DCTN4: variants seen among roughly 807,000 people sequenced by gnomAD.
The protein encoded by DCTN4 is dynactin subunit 4.
A neutral mutation model predicts 62.7 loss-of-function variants in DCTN4; 23 were observed. The ratio of observed to expected loss-of-function variants is 0.37; its 90% CI spans 0.26 to 0.52. The LOEUF is 0.52. Among genes scored for constraint, DCTN4 ranks in the 20% least tolerant of loss-of-function variants. The pLI, the probability that DCTN4 is intolerant of heterozygous loss-of-function variation, is 0.92. For missense variants in DCTN4, 514 were observed against 580.4 expected, an observed-to-expected ratio of 0.89 and a Z score of 1.18; for synonymous variants, 199 against 202.1, an observed-to-expected ratio of 0.98 and a Z score of 0.13.
chr5:150,729,061 T>C (rs912975792), intron 8 of DCTN4, among the ~76,000 whole-genome samples: 4 of 132,380 alleles, frequency 3.0e-5, no homozygotes, highest in Non-Finnish European at 4.8e-5. Context: ...TTTTTTTTTT[T>C]TTTTTTTTTT....
chr5:150,745,605 T>C (rs926806653), intron 3 of DCTN4, among the ~76,000 whole-genome samples: 8 of 152,170 alleles, frequency 5.3e-5, no homozygotes, highest in Non-Finnish European at 8.8e-5. Flanking sequence ...CAGACCACAG[T>C]GCAATCAAAC....
intron 1 of DCTN4, chr5:150,757,864 T>C (rs943117482): frequency 1.3e-5 from 2 of 155,956 alleles, no homozygotes; most frequent in African/African-American, 4.8e-5. Flanking sequence ...GTTAGGCTGT[T>C]TAGATTCAAA....
intron 11 of DCTN4, 103 bp downstream of exon 11, chr5:150,718,173 A>G (rs994249103): frequency 1.5e-6 from 1 of 685,054 alleles, no homozygotes; most frequent in African/African-American, 1.9e-5. Context: ...GAACTTGCTG[A>G]CTAGATGTGG....
At position 150,753,534 on chromosome 5, in the gene DCTN4, T is replaced by C. The variant is rs774201511; in HGVS notation, c.330A>G (p.Ala110=). The C allele has an allele frequency of 2.4e-5, 38 of 1,614,102 alleles. No homozygotes were observed. Among genetic ancestry groups the C allele is most frequent in the Middle Eastern group, 3.3e-4 (2 of 6,084 alleles). The change falls in exon 3 of 13, where the codon GCA becomes GCG. Residue 110 remains alanine, a synonymous_variant. Transcript: ENST00000447998. ...TAGACGTCCAGCGACAAAATCCACA[T>C]GCCAGGTAATAGGCTTTCTTCATGG... ...KTTMKKAYYL[A]CGFCRWTSRD...
In DCTN4 at chr5:150,758,868, C is replaced by T. The variant is rs772360782; in HGVS notation, c.126G>A (p.Val42=). Residue 42 remains valine (V), a synonymous_variant, in exon 1 of 13, where the codon GTG becomes GTA. Transcript: ENST00000447998. Reference sequence around the variant, plus strand: ...AGGGCGACTCTGTTACCTCGTGAGACACACATTCCAGCGACCGCAGTTCGC... The same window carrying T: ...AGGGCGACTCTGTTACCTCGTGAGATACACATTCCAGCGACCGCAGTTCGC... ...YCSELRSLEC[V]SHEVDSHYCP... 3.1e-6 allele frequency: 5 copies of T among 1,613,984 alleles called. No individual in the cohort carries two copies. The highest frequency in any genetic ancestry group is 4.2e-6 in the Non-Finnish European group (5 of 1,179,946).
At chr5:150,719,630 C>A (rs972626817) in intron 10 of DCTN4, 86 bp downstream of exon 10, 1 of 972,950 alleles carries the variant, frequency 1.0e-6, no homozygotes, top group Admixed American at 1.9e-5. Context: ...GATCCTGTGC[C>A]AAATACACAC....
intron 5 of DCTN4, chr5:150,731,711 T>C (rs1760377164): frequency 1.5e-6 from 1 of 670,102 alleles, no homozygotes; most frequent in Non-Finnish European, 2.6e-6. Context: ...ACTATATTAA[T>C]ACAGTAAAAA....
At chr5:150,738,030 T>A (rs550579520) in intron 4 of DCTN4, among the ~76,000 whole-genome samples, 22 of 152,000 alleles carry the variant, frequency 1.4e-4, no homozygotes, top group Non-Finnish European at 2.5e-4. Context: ...GATGGATAAA[T>A]TCCTGGAAAT....
chr5:150,741,913 A>G (rs997958776), intron 4 of DCTN4, among the ~76,000 whole-genome samples: 2 of 152,240 alleles, frequency 1.3e-5, no homozygotes, highest in Admixed American at 6.5e-5. Flanking sequence ...AGCTACACCT[A>G]GGATTCTCCA....
chr5:150,741,709 T>C (rs991523753), intron 4 of DCTN4, among the ~76,000 whole-genome samples: 2 of 152,138 alleles, frequency 1.3e-5, no homozygotes, highest in Non-Finnish European at 2.9e-5. Flanking sequence ...CTTGAACTTC[T>C]GGGCTCAAGC....
chr5:150,731,251 G>A, intron 6 of DCTN4, 95 bp from the exon 7 acceptor site: 2 of 983,996 alleles, frequency 2.0e-6, no homozygotes, highest in South Asian at 2.8e-5. Flanking sequence ...AATAATTGAA[G>A]TATTCCTCTG....
Position 150,719,700 on chromosome 5 carries a change from T to C in DCTN4, c.963+16A>G, listed in dbSNP as rs1363995878. 6 of 1,586,820 alleles carry C rather than the reference T, an allele frequency of 3.8e-6. No individual in the cohort carries two copies. Among genetic ancestry groups the C allele is most frequent in the East Asian group, 4.5e-5 (2 of 44,700 alleles). On this transcript the variant is annotated intron_variant, in intron 10 of 12. Transcript: ENST00000447998. Reference sequence around the variant, plus strand: ...GATCAATCCTTTTTCTTCCTGTTAATGAGCAAGGTACTAACCTTCATGTAG... The same window carrying C: ...GATCAATCCTTTTTCTTCCTGTTAACGAGCAAGGTACTAACCTTCATGTAG...
chr5:150,756,678 T>G (rs1752878023), intron 1 of DCTN4, among the ~76,000 whole-genome samples, 191 bp from the exon 2 acceptor site: 1 of 151,440 alleles, frequency 6.6e-6, no homozygotes, highest in African/African-American at 2.4e-5. Context: ...TAAAAAATCC[T>G]TCTATTTTTC....
chr5:150,729,158 GTGT>G (rs1372602031), intron 8 of DCTN4, among the ~76,000 whole-genome samples: 2 of 142,280 alleles, frequency 1.4e-5, no homozygotes, highest in African/African-American at 5.2e-5. Context: ...GCCTCTCAAA[GTGT>G]TGTGATTACA....
intron 4 of DCTN4, among the ~76,000 whole-genome samples, chr5:150,740,836 G>C (rs1760741497): frequency 6.6e-6 from 1 of 152,152 alleles, no homozygotes. Context: ...ACTCATAAGA[G>C]GGAGCTAAGC....
chr5:150,730,772 T>C (rs2113052822), intron 7 of DCTN4, 32 bp from the exon 8 acceptor site: 1 of 1,582,658 alleles, frequency 6.3e-7, no homozygotes, highest in East Asian at 2.2e-5. Context: ...AGGCTTAGTT[T>C]ACAGTGACTT....
intron 3 of DCTN4, among the ~76,000 whole-genome samples, chr5:150,750,658 G>A (rs1246083695): frequency 6.6e-6 from 1 of 152,176 alleles, no homozygotes; most frequent in Non-Finnish European, 1.5e-5. Flanking sequence ...GTTGTAGCAG[G>A]ATATATACAG....
intron 4 of DCTN4, among the ~76,000 whole-genome samples, chr5:150,735,968 C>T (rs1404487647): frequency 1.4e-5 from 2 of 146,398 alleles, no homozygotes; most frequent in Non-Finnish European, 3.0e-5. Context: ...CAGAGAAAGA[C>T]AGCATAAATA....
intron 10 of DCTN4, among the ~76,000 whole-genome samples, chr5:150,718,717 G>T (rs1023316666): frequency 6.6e-5 from 10 of 152,092 alleles, no homozygotes; most frequent in African/African-American, 1.4e-4. Flanking sequence ...GACTGAAAAG[G>T]AGGCCCTCAT....
Sources: gnomAD v4.1 joint callset for allele counts (sites outside exome capture counted in the v4.1 genomes callset) on GRCh38, gnomAD v4.1.1 for gene constraint, MANE v1.5 for transcripts, NCBI Gene and HGNC (gene_info 2026-07-23, HGNC 2026-07-21) for gene names.